GPR107: variants seen among roughly 807,000 people sequenced by gnomAD.
The protein encoded by GPR107 is G protein-coupled receptor 107, also known as protein GPR107.
In GPR107, 31 loss-of-function variants were observed where a neutral mutation model predicts 75.5. That is an observed-to-expected ratio of 0.41 (90% confidence interval 0.31 to 0.55). The LOEUF is 0.55. Among genes scored for constraint, GPR107 ranks in the 20% least tolerant of loss-of-function variants. GPR107 has a pLI of 0.26. For synonymous variants in GPR107, 267 were observed against 251.3 expected (o/e 1.06, Z -0.59); for missense variants, 572 against 665.7 (o/e 0.86, Z 1.55).
chr9:130,104,575 C>A (rs756537622), intron 13 of GPR107, 25 bp downstream of exon 13: 1 of 1,603,466 alleles, frequency 6.2e-7, no homozygotes, highest in South Asian at 1.1e-5. Context: ...GGGAGGGAGG[C>A]CACATGACAG....
At chr9:130,109,144 C>T (rs879530678) in intron 14 of GPR107, among the ~76,000 whole-genome samples, 2 of 151,104 alleles carry the variant, frequency 1.3e-5, no homozygotes, top group African/African-American at 2.4e-5. Flanking sequence ...GGATTACAGG[C>T]GCCTGCCAGC....
At chr9:130,133,142 G>A (rs1201706291) in intron 17 of GPR107, 1 of 152,154 alleles carries the variant, frequency 6.6e-6, no homozygotes, top group Non-Finnish European at 1.5e-5. Context: ...TCTTCTCCTG[G>A]GCTGTGGGCT....
chr9:130,089,190 A>G (rs1830678173), intron 7 of GPR107, among the ~76,000 whole-genome samples: 1 of 152,044 alleles, frequency 6.6e-6, no homozygotes, highest in Non-Finnish European at 1.5e-5. Flanking sequence ...AAGTTTTTCA[A>G]ATGCTTCCCT....
intron 5 of GPR107, among the ~76,000 whole-genome samples, chr9:130,080,148 C>T (rs1830456508): frequency 6.6e-6 from 1 of 152,156 alleles, no homozygotes; most frequent in Non-Finnish European, 1.5e-5. Flanking sequence ...TTTGCTCAAC[C>T]TTTCCCCTTA....
chr9:130,081,529 C>T (rs990442619), intron 5 of GPR107, among the ~76,000 whole-genome samples: 8 of 151,818 alleles, frequency 5.3e-5, no homozygotes, highest in Admixed American at 3.3e-4. Context: ...AAAAATTAGC[C>T]GGGCATGGTG....
At chr9:130,098,290 G>C (rs1202312722) in intron 9 of GPR107, among the ~76,000 whole-genome samples, 1 of 152,128 alleles carries the variant, frequency 6.6e-6, no homozygotes, top group Non-Finnish European at 1.5e-5. Flanking sequence ...TCTGTGATGG[G>C]GTGGGCATGG....
At chr9:130,127,317 G>A (rs1831712450) in intron 15 of GPR107, among the ~76,000 whole-genome samples, 166 bp from the exon 16 acceptor site, 1 of 152,202 alleles carries the variant, frequency 6.6e-6, no homozygotes, top group Admixed American at 6.5e-5. Flanking sequence ...TAGCAGAGTA[G>A]CCATGTCTCT....
At chr9:130,074,200 A>G (rs1830285086) in intron 1 of GPR107, among the ~76,000 whole-genome samples, 1 of 152,208 alleles carries the variant, frequency 6.6e-6, no homozygotes, top group Non-Finnish European at 1.5e-5. Flanking sequence ...AAGAGTGGGC[A>G]GGAAAGAAAA....
At position 130,124,953 on chromosome 9, in the gene GPR107, T is replaced by C; in HGVS notation, c.1345T>C (p.Tyr449His). 6.7e-7 allele frequency: 1 copy of C among 1,487,652 alleles called. No individual in the cohort carries two copies. Among genetic ancestry groups the C allele is most frequent in the Non-Finnish European group, 9.1e-7 (1 of 1,100,392 alleles). 92.2% of individuals were successfully genotyped at this position (1,487,652 alleles called of 1,614,324 possible). ...NLAKLKLFRH[Y>H]YVLIVCYIYF... ...AGCAAAGCTGAAACTTTTCAGACAT[T>C]ATTACGTCTTGGTAAGTAAAAAAAA... is the stretch of plus-strand genomic sequence containing the variant. Residue 449 changes from tyrosine to histidine, a missense_variant, in exon 15 of 18, where the codon TAT becomes CAT. Physicochemically the swap from Tyr to His is moderately conservative, Grantham distance 83 (BLOSUM62 2). Transcript: ENST00000347136.
rs1306997298 is a variant in GPR107, at chr9:130,077,313, T to A, written c.321T>A (p.Asn107Lys). 1 of 1,536,056 alleles carries A rather than the reference T, an allele frequency of 6.5e-7. No homozygotes were observed. Among genetic ancestry groups the A allele is most frequent in the Non-Finnish European group, 9.0e-7 (1 of 1,108,766 alleles). ...GFSSYLDEDVNYCILKKQSVS... is the reference protein window; with the variant it reads ...GFSSYLDEDVKYCILKKQSVS... ...TCCTTTCTCAGGATGAAGATGTGAA[T>A]TACTGTATTTTAAAGAAACAGTCTG... The change falls in exon 4 of 18, where the codon AAT (asparagine) becomes AAA (lysine). Residue 107 changes from asparagine to lysine, a missense_variant. Coordinates refer to ENST00000347136, the MANE Select transcript of GPR107 (RefSeq NM_020960.5).
intron 7 of GPR107, 71 bp downstream of exon 7, chr9:130,086,547 A>G (rs1380068046): frequency 1.1e-6 from 1 of 880,402 alleles, no homozygotes; most frequent in Non-Finnish European, 1.9e-6. Flanking sequence ...TTTTTTTTAG[A>G]GGAATTTTGA....
intron 8 of GPR107, among the ~76,000 whole-genome samples, chr9:130,091,606 G>A (rs548509316): frequency 6.9e-6 from 1 of 145,284 alleles, no homozygotes; most frequent in South Asian, 2.2e-4. Context: ...TTGCCTCACC[G>A]CAACCTCCAT....
At chr9:130,108,224 GA>G (rs1378291651) in intron 14 of GPR107, among the ~76,000 whole-genome samples, 7 of 152,340 alleles carry the variant, frequency 4.6e-5, no homozygotes, top group African/African-American at 1.7e-4. Flanking sequence ...TCAAAGCTCA[GA>G]ACGGTCTCTG....
chr9:130,084,663 C>T (rs552679043), intron 6 of GPR107, among the ~76,000 whole-genome samples: 117 of 151,684 alleles, frequency 7.7e-4, no homozygotes, highest in Middle Eastern at 3.4e-3. Context: ...GTGGTCGCAG[C>T]TGTTCTGGAG....
At chr9:130,075,241 CTTTTTTTT>C (rs149248581) in intron 1 of GPR107, among the ~76,000 whole-genome samples, 6 of 76,736 alleles carry the variant, frequency 7.8e-5, no homozygotes, top group African/African-American at 2.8e-4. Context: ...TTTCTTTTAC[CTTTTTTTT>C]TTTTTTTTTT....
chr9:130,127,647 A>G (rs1831719729), intron 16 of GPR107, 81 bp downstream of exon 16: 4 of 789,110 alleles, frequency 5.1e-6, no homozygotes, highest in East Asian at 2.5e-5. Flanking sequence ...AGTTGTTACT[A>G]ATTTATCTGG....
intron 9 of GPR107, 116 bp downstream of exon 9, chr9:130,092,497 G>A (rs1449265708): frequency 7.4e-6 from 6 of 812,844 alleles, no homozygotes. Context: ...CTTTCAAAGG[G>A]CATCTTCCCG....
At chr9:130,117,119 G>C (rs754618885) in intron 14 of GPR107, among the ~76,000 whole-genome samples, 1 of 152,008 alleles carries the variant, frequency 6.6e-6, no homozygotes, top group Non-Finnish European at 1.5e-5. Flanking sequence ...GTTAATTTTT[G>C]TATTTTTAGT....
chr9:130,111,256 AG>A (rs1353108001), intron 14 of GPR107, among the ~76,000 whole-genome samples: 1 of 152,120 alleles, frequency 6.6e-6, no homozygotes, highest in East Asian at 2.0e-4. Flanking sequence ...GCTTGAGGCC[AG>A]GAGTTTTAGA....
Sources: gnomAD v4.1 joint callset for allele counts (sites outside exome capture counted in the v4.1 genomes callset) on GRCh38, gnomAD v4.1.1 for gene constraint, MANE v1.5 for transcripts, NCBI Gene and HGNC (gene_info 2026-07-23, HGNC 2026-07-21) for gene names.